The following KIAA1328 variants were observed in gnomAD, a reference collection of about 807,000 sequenced individuals.
KIAA1328 encodes the protein KIAA1328, also known as protein hinderin.
Under a neutral mutation model 68.1 loss-of-function variants are expected in KIAA1328, and 52 were observed. The ratio of observed to expected loss-of-function variants is 0.76; its 90% confidence interval spans 0.61 to 0.96. KIAA1328 has a LOEUF of 0.96. KIAA1328 is among the 40% of genes least tolerant of loss of function. The probability of loss-of-function intolerance (pLI) is 0.00; values close to 1 mark genes in which losing one functional copy is unlikely to be tolerated. For missense variants in KIAA1328, 641 were observed against 677.6 expected (o/e 0.95, Z 0.60); for synonymous variants, 232 against 239.4 (o/e 0.97, Z 0.28).
At chr18:36,891,950 CA>C (rs2048703093) in intron 5 of KIAA1328, among the ~76,000 whole-genome samples, 1 of 152,142 alleles carries the variant, frequency 6.6e-6, no homozygotes, top group South Asian at 2.1e-4. Context: ...CCAAAGATCC[CA>C]TAATGTCTGT....
At chr18:37,133,765 C>T (rs553671481) in intron 7 of KIAA1328, among the ~76,000 whole-genome samples, 2 of 152,082 alleles carry the variant, frequency 1.3e-5, no homozygotes, top group South Asian at 4.2e-4. Context: ...ACCTCGTGAT[C>T]GGCCCACCTC....
chr18:36,967,963 G>A (rs867748811), intron 6 of KIAA1328, among the ~76,000 whole-genome samples: 2 of 152,160 alleles, frequency 1.3e-5, no homozygotes, highest in Non-Finnish European at 2.9e-5. Context: ...TGACTCATTG[G>A]CATCTTTGAA....
rs547490259 is a variant in KIAA1328, at chr18:37,168,822, G to A, written c.1415-4151G>A. Among the ~76,000 whole-genome samples the A allele has an allele frequency of 1.3e-5, 2 of 152,144 alleles. 1 individual carries two copies. The highest frequency in any genetic ancestry group is 3.9e-4 in the East Asian group (2 of 5,168). ...GCTTGCTTTCTTGAGCTGGGAATGG[G>A]TTACACTGGTTTTGTCTTTATAATT... On this transcript the variant is annotated intron_variant, in intron 8 of 9. Coordinates refer to ENST00000280020, the MANE Select transcript of KIAA1328 (RefSeq NM_020776.3).
chr18:37,028,638 T>C (rs2054694623), intron 6 of KIAA1328, among the ~76,000 whole-genome samples: 1 of 152,096 alleles, frequency 6.6e-6, no homozygotes, highest in Non-Finnish European at 1.5e-5. Flanking sequence ...TTTTTCCCAT[T>C]AGTATGATGC....
At chr18:36,858,796 C>G (rs1036621450) in intron 4 of KIAA1328, among the ~76,000 whole-genome samples, 1 of 152,188 alleles carries the variant, frequency 6.6e-6, no homozygotes, top group Non-Finnish European at 1.5e-5. Context: ...AGTGCCCTTT[C>G]CATCACACAT....
intron 7 of KIAA1328, among the ~76,000 whole-genome samples, chr18:37,107,010 G>A (rs1414644899): frequency 1.3e-5 from 2 of 152,262 alleles, no homozygotes; most frequent in South Asian, 2.1e-4. Flanking sequence ...TAGGGAGGCC[G>A]ATGCGGGCAG....
intron 6 of KIAA1328, among the ~76,000 whole-genome samples, chr18:37,053,964 A>G (rs77752718): frequency 8.8e-6 from 1 of 114,070 alleles, no homozygotes; most frequent in African/African-American, 2.7e-5. Flanking sequence ...GATCAACAAG[A>G]AAAAAAAAAA....
chr18:37,100,095 G>A (rs145636892), intron 7 of KIAA1328, among the ~76,000 whole-genome samples: 3 of 152,262 alleles, frequency 2.0e-5, no homozygotes, highest in Non-Finnish European at 2.9e-5. Context: ...CAGCATGAGC[G>A]ATGCAGAAGA....
At chr18:37,112,663 G>A (rs574615751) in intron 7 of KIAA1328, among the ~76,000 whole-genome samples, 2 of 152,306 alleles carry the variant, frequency 1.3e-5, no homozygotes, top group East Asian at 1.9e-4. Context: ...TGACTTTGAC[G>A]AGTTGAGAGA....
At position 37,223,824 on chromosome 18, in the gene KIAA1328, G is replaced by A; in HGVS notation, c.*1597G>A. ...ACCTCCACCCAGCCTTCTTTCACTT[G>A]GGGTTTTTTATTCTTTGGAGTAGAA... is the stretch of plus-strand genomic sequence containing the variant. On this transcript the variant is annotated 3_prime_UTR_variant, in exon 10 of 10. Coordinates refer to ENST00000280020, the MANE Select transcript of KIAA1328 (RefSeq NM_020776.3). 1.0e-6 allele frequency: 1 copy of A among 985,142 alleles called. No individual in the cohort carries two copies. The highest frequency in any genetic ancestry group is 1.2e-6 in the Non-Finnish European group (1 of 829,770). The allele number at this position is 985,142 out of a possible 1,614,324, so 61.0% of individuals were successfully genotyped here.
intron 9 of KIAA1328, among the ~76,000 whole-genome samples, chr18:37,203,623 C>T (rs1313374159): frequency 6.6e-6 from 1 of 152,118 alleles, no homozygotes; most frequent in East Asian, 1.9e-4. Context: ...AGGTACAGAG[C>T]CCAAGACAAA....
chr18:37,047,989 A>G (rs2055542889), intron 6 of KIAA1328, among the ~76,000 whole-genome samples: 1 of 152,208 alleles, frequency 6.6e-6, no homozygotes, highest in Non-Finnish European at 1.5e-5. Flanking sequence ...CTCCCTTATA[A>G]TGCTGGCCAA....
chr18:36,907,059 T>G (rs1040650819), intron 5 of KIAA1328, among the ~76,000 whole-genome samples: 2 of 152,106 alleles, frequency 1.3e-5, no homozygotes, highest in African/African-American at 4.8e-5. Context: ...CTACTTTTCT[T>G]TGTATTTTTT....
intron 7 of KIAA1328, among the ~76,000 whole-genome samples, chr18:37,148,862 A>G (rs2058965689): frequency 6.6e-6 from 1 of 152,034 alleles, no homozygotes; most frequent in Admixed American, 6.6e-5. Flanking sequence ...TAAATTGTGG[A>G]TATTAGACCT....
At chr18:36,981,028 G>A (rs572006309) in intron 6 of KIAA1328, among the ~76,000 whole-genome samples, 97 of 152,260 alleles carry the variant, frequency 6.4e-4, no homozygotes, top group Non-Finnish European at 4.4e-4. Flanking sequence ...AACTAACAAG[G>A]AAAACTTAAT....
intron 5 of KIAA1328, among the ~76,000 whole-genome samples, chr18:36,941,982 G>T (rs2050730402): frequency 1.3e-5 from 2 of 152,166 alleles, no homozygotes; most frequent in Admixed American, 1.3e-4. Flanking sequence ...ATGTTATAAA[G>T]AAATTCATAA....
At chr18:37,029,630 A>G (rs2054741877) in intron 6 of KIAA1328, among the ~76,000 whole-genome samples, 1 of 152,144 alleles carries the variant, frequency 6.6e-6, no homozygotes, top group Non-Finnish European at 1.5e-5. Flanking sequence ...GGTCAGTTTT[A>G]GAGTATGTAC....
chr18:37,150,509 A>G (rs2059004760), intron 7 of KIAA1328, among the ~76,000 whole-genome samples: 1 of 152,064 alleles, frequency 6.6e-6, no homozygotes, highest in Non-Finnish European at 1.5e-5. Context: ...TGGTAAAGGC[A>G]TTAGAAGAAA....
intron 6 of KIAA1328, among the ~76,000 whole-genome samples, chr18:36,974,853 C>T (rs1375299454): frequency 6.6e-6 from 1 of 152,168 alleles, no homozygotes; most frequent in African/African-American, 2.4e-5. Flanking sequence ...AAAAACTGTG[C>T]CATCTGTCAT....
Sources: allele counts gnomAD v4.1 joint callset (sites outside exome capture counted in the v4.1 genomes callset), GRCh38; gene constraint gnomAD v4.1.1; transcripts MANE v1.5; gene names NCBI Gene and HGNC (gene_info 2026-07-23, HGNC 2026-07-21).